The following THSD4 variants were observed in gnomAD, a reference collection of about 807,000 sequenced individuals.
The protein encoded by THSD4 is thrombospondin type-1 domain-containing protein 4.
Under a neutral mutation model 119.0 loss-of-function variants are expected in THSD4, and 69 were observed. The ratio of observed to expected loss-of-function variants is 0.58; its 90% CI spans 0.48 to 0.71. The LOEUF is 0.71. Ranked by LOEUF, THSD4 falls within the 30% of genes least tolerant of loss-of-function variation. The probability of loss-of-function intolerance (pLI) is 0.00; values close to 1 mark genes in which losing one functional copy is unlikely to be tolerated. For missense variants in THSD4, 1,393 were observed against 1,391.1 expected, an observed-to-expected ratio of 1.00 and a Z score of -0.02; for synonymous variants, 524 against 540.4, an observed-to-expected ratio of 0.97 and a Z score of 0.42.
intron 7 of THSD4, among the ~76,000 whole-genome samples, chr15:71,602,568 AAAAAAAAAAAAAT>A (rs1165837123): frequency 5.3e-5 from 8 of 150,250 alleles, no homozygotes; most frequent in Non-Finnish European, 8.9e-5. Context: ...AAAAAAAAAA[AAAAAAAAAAAAAT>A]GAAAAAGAAA....
chr15:71,375,245 G>T (rs1481398686), intron 6 of THSD4, among the ~76,000 whole-genome samples: 1 of 152,210 alleles, frequency 6.6e-6, no homozygotes, highest in African/African-American at 2.4e-5. Flanking sequence ...GTATGTGCAT[G>T]TGGACACATA....
At chr15:71,669,951 C>CTTG (rs2051489917) in intron 8 of THSD4, among the ~76,000 whole-genome samples, 2 of 152,160 alleles carry the variant, frequency 1.3e-5, no homozygotes, top group South Asian at 4.1e-4. Context: ...CTCAAGACTC[C>CTTG]AATATGTATC....
At chr15:71,311,653 G>A (rs1333674423) in intron 6 of THSD4, among the ~76,000 whole-genome samples, 2 of 152,098 alleles carry the variant, frequency 1.3e-5, no homozygotes, top group Admixed American at 6.6e-5. Context: ...AGCATTATAT[G>A]TTGATATCAT....
chr15:71,687,539 T>C (rs992015571), intron 8 of THSD4, among the ~76,000 whole-genome samples: 3 of 152,138 alleles, frequency 2.0e-5, no homozygotes, highest in African/African-American at 7.2e-5. Context: ...GTGGATCACC[T>C]GAGCCAGGAG....
intron 6 of THSD4, among the ~76,000 whole-genome samples, chr15:71,320,962 T>A (rs1056912547): frequency 2.0e-5 from 3 of 152,238 alleles, no homozygotes. Flanking sequence ...TGGAAAGTGA[T>A]GTAGCTTTTC....
chr15:71,439,656 G>A (rs543923924), intron 7 of THSD4, among the ~76,000 whole-genome samples: 3 of 152,220 alleles, frequency 2.0e-5, no homozygotes, highest in South Asian at 4.2e-4. Flanking sequence ...AATGTGGCAC[G>A]TATACACTAT....
At chr15:71,598,637 G>A (rs1310240042) in intron 7 of THSD4, among the ~76,000 whole-genome samples, 1 of 151,666 alleles carries the variant, frequency 6.6e-6, no homozygotes, top group African/African-American at 2.4e-5. Context: ...TTGTTTTTTT[G>A]TTTTGAGACA....
chr15:71,552,284 C>T lies in THSD4; in HGVS notation c.1153-108246C>T, dbSNP rs115091924. Among the ~76,000 whole-genome samples the T allele has an allele frequency of 2.1e-3, 324 of 152,280 alleles. 1 individual carries two copies. The highest frequency in any genetic ancestry group is 7.3e-3 in the African/African-American group (303 of 41,554). On this transcript the variant is annotated intron_variant, in intron 7 of 17. Coordinates refer to ENST00000261862, the MANE Select transcript of THSD4 (RefSeq NM_024817.3). ...CAGTCTTAAGATTATCTTTTTATGA[C>T]GTGTCATTTAGGTCATCATTGCAGG...
At chr15:71,507,054 G>A (rs1392723519) in intron 7 of THSD4, among the ~76,000 whole-genome samples, 1 of 152,188 alleles carries the variant, frequency 6.6e-6, no homozygotes, top group Non-Finnish European at 1.5e-5. Context: ...TGCATAGGCA[G>A]GAGCCTTTTT....
At chr15:71,383,984 G>A (rs1428567044) in intron 6 of THSD4, among the ~76,000 whole-genome samples, 1 of 152,064 alleles carries the variant, frequency 6.6e-6, no homozygotes, top group Non-Finnish European at 1.5e-5. Context: ...CTGTATTTGA[G>A]AGACCAATTT....
intron 7 of THSD4, among the ~76,000 whole-genome samples, chr15:71,450,900 G>A (rs563518485): frequency 6.6e-5 from 10 of 152,142 alleles, no homozygotes; most frequent in Non-Finnish European, 1.3e-4. Context: ...GCTAGGAGCC[G>A]GGCGTGGCGG....
At chr15:71,548,673 A>G (rs2048878169) in intron 7 of THSD4, among the ~76,000 whole-genome samples, 1 of 152,202 alleles carries the variant, frequency 6.6e-6, no homozygotes, top group Non-Finnish European at 1.5e-5. Context: ...AGCAGGAGGA[A>G]CTGAATGGGT....
intron 3 of THSD4, among the ~76,000 whole-genome samples, chr15:71,156,213 T>G (rs1237154228): frequency 6.6e-6 from 1 of 152,090 alleles, no homozygotes; most frequent in Non-Finnish European, 1.5e-5. Context: ...GTTATTTGTA[T>G]CTAAGTGTGA....
chr15:71,426,713 T>C (rs1191375805), intron 7 of THSD4, among the ~76,000 whole-genome samples: 2 of 152,194 alleles, frequency 1.3e-5, no homozygotes, highest in Non-Finnish European at 1.5e-5. Flanking sequence ...CTCTCTCTTA[T>C]AAACACCCCA....
intron 17 of THSD4, among the ~76,000 whole-genome samples, chr15:71,773,233 A>AG (rs1372563999): frequency 6.6e-6 from 1 of 151,460 alleles, no homozygotes; most frequent in African/African-American, 2.4e-5. Flanking sequence ...AAAAAAGAAA[A>AG]GAAAAAAAAG....
intron 7 of THSD4, among the ~76,000 whole-genome samples, chr15:71,541,919 C>T (rs991296152): frequency 5.3e-5 from 8 of 152,030 alleles, no homozygotes; most frequent in Admixed American, 4.6e-4. Flanking sequence ...TGTGTGTGAA[C>T]ACAAGACAGG....
Position 71,285,848 on chromosome 15 carries a change from C to T in THSD4, c.1015+29133C>T, listed in dbSNP as rs540865938. ...CAGCCTGGGTGACAGAGCGAGACTC[C>T]GTCTCAAAAAAAAAAAAAAAAAAAA... On this transcript the variant is annotated intron_variant, in intron 6 of 17. Coordinates refer to ENST00000261862, the MANE Select transcript of THSD4 (RefSeq NM_024817.3). Among the ~76,000 whole-genome samples the T allele has an allele frequency of 7.2e-3, 560 of 77,764 alleles. 2 individuals are homozygous for T. The highest frequency in any genetic ancestry group is 0.027 in the African/African-American group (478 of 17,510). The allele number at this position is 77,764 out of a possible 152,430, so 51.0% of individuals were successfully genotyped here. A position where few individuals can be genotyped will look rare whatever the true frequency, so the allele number is the denominator to read the frequency against.
chr15:71,466,556 C>A (rs1348731554), intron 7 of THSD4, among the ~76,000 whole-genome samples: 1 of 152,108 alleles, frequency 6.6e-6, no homozygotes, highest in Non-Finnish European at 1.5e-5. Context: ...TTCATTCTTC[C>A]TCATCCCTCT....
upstream of THSD4, chr15:71,112,079 G>GC: frequency 6.2e-7 from 1 of 1,608,978 alleles, no homozygotes; most frequent in Non-Finnish European, 8.5e-7. Flanking sequence ...AGTTCCACAT[G>GC]CCCTGAACTC....
Sources: gnomAD v4.1 joint callset for allele counts (sites outside exome capture counted in the v4.1 genomes callset) on GRCh38, gnomAD v4.1.1 for gene constraint, MANE v1.5 for transcripts, NCBI Gene and HGNC (gene_info 2026-07-23, HGNC 2026-07-21) for gene names.